The following NCAPH variants were observed in gnomAD, a reference collection of about 807,000 sequenced individuals.
NCAPH encodes the protein condensin complex subunit 2.
NCAPH carries 38 observed loss-of-function variants against 85.5 expected under a neutral mutation model. The observed-to-expected ratio is 0.44, with a 90% confidence interval of 0.34 to 0.58. The LOEUF is 0.58. Among genes scored for constraint, NCAPH ranks in the 20% least tolerant of loss-of-function variants. The pLI is 0.01. For synonymous variants in NCAPH, 301 were observed against 335.1 expected, an observed-to-expected ratio of 0.90 and a Z score of 1.11; for missense variants, 789 against 916.6, an observed-to-expected ratio of 0.86 and a Z score of 1.80.
intron 6 of NCAPH, among the ~76,000 whole-genome samples, chr2:96,349,450 T>C (rs181288382): frequency 3.3e-5 from 5 of 152,198 alleles, no homozygotes; most frequent in Admixed American, 2.6e-4. Flanking sequence ...GGTTCAGTCT[T>C]GGCTCACTGC....
chr2:96,339,420 G>A (rs7584617), intron 1 of NCAPH, among the ~76,000 whole-genome samples: 2 of 151,644 alleles, frequency 1.3e-5, no homozygotes, highest in South Asian at 2.1e-4. Context: ...GTGAAACCCC[G>A]TCTCTACTAA....
Position 96,335,767 on chromosome 2 carries a change from T to C in NCAPH, c.-63T>C, listed in dbSNP as rs182260239. 8.0e-4 allele frequency: 1,153 copies of C among 1,449,222 alleles called. 11 individuals carry two copies. In the African/African-American group the frequency reaches 0.016, roughly 20 times the overall value. 89.8% of individuals were successfully genotyped at this position (1,449,222 alleles called of 1,614,324 possible). ...GCCCGCCGGCGACGTCACGCGGCCG[T>C]TACGGCGCTCAGGCGTCTCGACGCG... On this transcript the variant is annotated 5_prime_UTR_variant, in exon 1 of 18. Transcript: ENST00000240423.
rs1284446038 is a variant in NCAPH, at chr2:96,367,333, G to T, written c.1958G>T (p.Ser653Ile). 6.2e-7 allele frequency: 1 copy of T among 1,613,650 alleles called. No individual in the cohort carries two copies. Among genetic ancestry groups the T allele is most frequent in the Non-Finnish European group, 8.5e-7 (1 of 1,179,730 alleles). The change falls in exon 15 of 18, where the codon AGT becomes ATT. Residue 653 changes from serine to isoleucine, a missense_variant. Ser to Ile is a moderately radical substitution (Grantham distance 142, BLOSUM62 -2). Transcript: ENST00000240423. ...AAGAAACTGAAGCAGAGCATGTGGA[G>T]TCTGCTGACAGCGCTCTCCGGAAAG... ...DMKKLKQSMW[S>I]LLTALSGKEA... is the part of the protein sequence containing the mutation.
At chr2:96,352,258 G>A (rs1282865415) in intron 7 of NCAPH, among the ~76,000 whole-genome samples, 4 of 152,122 alleles carry the variant, frequency 2.6e-5, no homozygotes, top group Non-Finnish European at 5.9e-5. Context: ...TGATGTGCCC[G>A]GTACCTTAGG....
chr2:96,361,769 C>CATAT (rs1215314705), intron 12 of NCAPH, among the ~76,000 whole-genome samples: 1,172 of 114,920 alleles, frequency 0.01, 11 homozygotes, highest in Non-Finnish European at 0.013. Flanking sequence ...TATATATATA[C>CATAT]ATATATATAT....
At chr2:96,344,022 A>C in intron 5 of NCAPH, 83 bp from the exon 6 acceptor site, 3 of 1,516,812 alleles carry the variant, frequency 2.0e-6, no homozygotes, top group Non-Finnish European at 2.7e-6. Context: ...AAATTACGAC[A>C]GGTTTTGAAG....
At position 96,365,958 on chromosome 2, in the gene NCAPH, A is replaced by G. The variant is rs1257192277; in HGVS notation, c.1781A>G (p.His594Arg). The G allele has an allele frequency of 2.5e-6, 4 of 1,614,178 alleles. No homozygotes were observed. The highest frequency in any genetic ancestry group is 4.5e-5 in the East Asian group (2 of 44,886). Reference sequence around the variant, plus strand: ...TCTGACCTCTCACCTTATCCTTGCCATCCACCTAAGACAGCACAACAGAAT... The same window carrying G: ...TCTGACCTCTCACCTTATCCTTGCCGTCCACCTAAGACAGCACAACAGAAT... ...GNSDLSPYPC[H>R]PPKTAQQNGD... Residue 594 changes from histidine to arginine, a missense_variant, in exon 14 of 18, where the codon CAT becomes CGT. Transcript: ENST00000240423.
At chr2:96,352,931 A>G (rs1020286141) in intron 7 of NCAPH, among the ~76,000 whole-genome samples, 12 of 152,242 alleles carry the variant, frequency 7.9e-5, no homozygotes, top group African/African-American at 2.9e-4. Context: ...GTACCATTAC[A>G]TGATTGCCTA....
chr2:96,358,363 G>A (rs2064551946), intron 9 of NCAPH, among the ~76,000 whole-genome samples: 1 of 152,218 alleles, frequency 6.6e-6, no homozygotes, highest in Non-Finnish European at 1.5e-5. Flanking sequence ...TTGTCATCTT[G>A]TGTGGCAAGA....
intron 12 of NCAPH, among the ~76,000 whole-genome samples, chr2:96,361,770 ATATATATATATACACATATATATG>A (rs1320383405): frequency 7.9e-6 from 1 of 127,022 alleles, no homozygotes; most frequent in Non-Finnish European, 1.6e-5. Flanking sequence ...ATATATATAC[ATATATATATATACACATATATATG>A]TATATATATG....
intron 13 of NCAPH, among the ~76,000 whole-genome samples, chr2:96,365,091 C>G (rs1318301235): frequency 6.6e-6 from 1 of 152,050 alleles, no homozygotes; most frequent in African/African-American, 2.4e-5. Flanking sequence ...ACAAGCCACC[C>G]CCCATCTTTA....
At chr2:96,368,640 A>AG (rs1183600251) in intron 15 of NCAPH, among the ~76,000 whole-genome samples, 2 of 151,978 alleles carry the variant, frequency 1.3e-5, no homozygotes, top group Non-Finnish European at 2.9e-5. Flanking sequence ...CTGGCGACAG[A>AG]GCGAGACTCC....
At chr2:96,359,463 A>C (rs867680045) in intron 10 of NCAPH, 4 of 441,066 alleles carry the variant, frequency 9.1e-6, no homozygotes, top group South Asian at 3.4e-5. Flanking sequence ...TAGTATCCAC[A>C]TGACTTCACT....
chr2:96,339,590 C>CAAAA (rs950305411), intron 1 of NCAPH, among the ~76,000 whole-genome samples: 2 of 65,332 alleles, frequency 3.1e-5, no homozygotes, highest in African/African-American at 1.2e-4. Flanking sequence ...GACTCTGTCT[C>CAAAA]AAAAAAAAAA....
chr2:96,376,790 T>C lies in NCAPH; in HGVS notation c.*3439T>C, dbSNP rs1327779592. The stretch of plus-strand genomic sequence containing the variant: ...GTAGAATTCTCAGTTTTGGTTCATT[T>C]AAAAATGTTTTTTGGGGGAATTGGG... On this transcript the variant is annotated 3_prime_UTR_variant, in exon 18 of 18. Coordinates refer to ENST00000240423, the MANE Select transcript of NCAPH (RefSeq NM_015341.5). Among the ~76,000 whole-genome samples the C allele has an allele frequency of 6.6e-6, 1 of 152,144 alleles. No homozygotes were observed. Among genetic ancestry groups the C allele is most frequent in the African/African-American group, 2.4e-5 (1 of 41,434 alleles).
chr2:96,342,160 T>C lies in NCAPH; in HGVS notation c.363+20T>C. 6.4e-7 allele frequency: 1 copy of C among 1,559,606 alleles called. No homozygotes were observed. Among genetic ancestry groups the C allele is most frequent in the Admixed American group, 1.7e-5 (1 of 59,946 alleles). On this transcript the variant is annotated intron_variant, in intron 3 of 17. Transcript: ENST00000240423. Reference sequence around the variant, plus strand: ...GAAAATGTGAGTATTTGCTGGTTTATTATTGAAGACGTAATCCCTTGATCA... The same window carrying C: ...GAAAATGTGAGTATTTGCTGGTTTACTATTGAAGACGTAATCCCTTGATCA...
At chr2:96,338,735 T>A (rs2064249394) in intron 1 of NCAPH, among the ~76,000 whole-genome samples, 1 of 152,200 alleles carries the variant, frequency 6.6e-6, no homozygotes, top group Non-Finnish European at 1.5e-5. Flanking sequence ...GAACAGATCC[T>A]CCTCTCAAAG....
In NCAPH at chr2:96,376,759, C is replaced by G. The variant is rs560013581; in HGVS notation, c.*3408C>G. On this transcript the variant is annotated 3_prime_UTR_variant, in exon 18 of 18. Coordinates refer to ENST00000240423, the MANE Select transcript of NCAPH (RefSeq NM_015341.5). ...TGAGGCAGCAAGCCATGATCTAGGT[C>G]TTCGAGTAGAATTCTCAGTTTTGGT... Among the ~76,000 whole-genome samples the G allele has an allele frequency of 1.8e-4, 27 of 152,140 alleles. No homozygotes were observed. The South Asian group carries it at 1.9e-3, about 11-fold the overall frequency.
In NCAPH at chr2:96,360,587, G is replaced by A. The variant is rs751325640; in HGVS notation, c.1465-1G>A. 1 of 1,613,044 alleles carries A rather than the reference G, an allele frequency of 6.2e-7. No individual in the cohort carries two copies. The highest frequency in any genetic ancestry group is 1.7e-5 in the Admixed American group (1 of 59,724). ...AACACTTTTTTTAAAAAAATTAATA[G>A]GCTGCTACTATTCTGACCAAGTCCA... On this transcript the variant is annotated splice_acceptor_variant, in intron 11 of 17. Coordinates refer to ENST00000240423, the MANE Select transcript of NCAPH (RefSeq NM_015341.5). LOFTEE classifies it high-confidence loss of function.
Sources: gnomAD v4.1 joint callset for allele counts (sites outside exome capture counted in the v4.1 genomes callset) on GRCh38, gnomAD v4.1.1 for gene constraint, MANE v1.5 for transcripts, NCBI Gene and HGNC (gene_info 2026-07-23, HGNC 2026-07-21) for gene names.